The following ANTXR2 variants were observed in gnomAD, a reference collection of about 807,000 sequenced individuals.
ANTXR2 encodes anthrax toxin receptor 2.
ANTXR2 carries 44 observed loss-of-function variants against 73.7 expected under a neutral mutation model. That is an observed-to-expected ratio of 0.60 (90% CI 0.47 to 0.77). The LOEUF (loss-of-function observed/expected upper bound fraction) is 0.77, where lower values mean the gene tolerates loss of function less well. Ranked by LOEUF, ANTXR2 falls within the 30% of genes least tolerant of loss-of-function variation. The pLI, the probability that ANTXR2 is intolerant of heterozygous loss-of-function variation, is 0.00. For synonymous variants in ANTXR2, 217 were observed against 205.9 expected (o/e 1.05, Z -0.46); for missense variants, 604 against 592.5 (o/e 1.02, Z -0.20).
chr4:80,044,301 G>A (rs1292502585), intron 7 of ANTXR2, among the ~76,000 whole-genome samples: 1 of 151,898 alleles, frequency 6.6e-6, no homozygotes, highest in African/African-American at 2.4e-5. Context: ...CTTTGATTGA[G>A]ATCTTGTAAG....
At chr4:79,982,527 C>T (rs1729935627) in intron 14 of ANTXR2, among the ~76,000 whole-genome samples, 1 of 152,086 alleles carries the variant, frequency 6.6e-6, no homozygotes, top group Non-Finnish European at 1.5e-5. Context: ...ACTTTCTTCC[C>T]ACCTTTCCAA....
intron 14 of ANTXR2, among the ~76,000 whole-genome samples, chr4:79,980,198 A>G (rs1365859296): frequency 6.6e-6 from 1 of 152,222 alleles, no homozygotes; most frequent in Admixed American, 6.5e-5. Context: ...AAAGAAATTC[A>G]TTAGTTTTAG....
chr4:79,915,351 G>A (rs1425775732), intron 16 of ANTXR2, among the ~76,000 whole-genome samples: 3 of 152,048 alleles, frequency 2.0e-5, no homozygotes, highest in East Asian at 1.9e-4. Flanking sequence ...ACCAGAGCAA[G>A]TGTCATGTCT....
intron 12 of ANTXR2, among the ~76,000 whole-genome samples, chr4:79,990,386 A>AAAAAAAAG (rs1730408828): frequency 6.7e-6 from 1 of 149,690 alleles, no homozygotes; most frequent in South Asian, 2.1e-4. Flanking sequence ...ACAGTTACAA[A>AAAAAAAAG]AAAAAAAAAA....
chr4:79,986,538 G>T (rs1730169362), intron 12 of ANTXR2, among the ~76,000 whole-genome samples: 1 of 152,084 alleles, frequency 6.6e-6, no homozygotes, highest in South Asian at 2.1e-4. Flanking sequence ...TTGGGACTTG[G>T]ATATGGGTAC....
chr4:80,052,112 TA>T (rs1489088238), intron 7 of ANTXR2, among the ~76,000 whole-genome samples: 1 of 151,670 alleles, frequency 6.6e-6, no homozygotes, highest in African/African-American at 2.4e-5. Context: ...CTGAAAGACT[TA>T]AAATTTTTTA....
chr4:79,956,934 A>T (rs1394570219), intron 16 of ANTXR2, among the ~76,000 whole-genome samples: 1 of 152,122 alleles, frequency 6.6e-6, no homozygotes, highest in African/African-American at 2.4e-5. Flanking sequence ...GTGTTCTAAA[A>T]AACAGAGTGG....
chr4:80,072,557 C>A lies in ANTXR2; in HGVS notation c.4G>T (p.Val2Leu). M[V>L]AERSPARSPG... ...CTGCGGGCCGGGGACCGCTCCGCCACCATCCTGCGGCCGGGGGCCTGAGAC... is the reference window on the plus strand; with the variant it reads ...CTGCGGGCCGGGGACCGCTCCGCCAACATCCTGCGGCCGGGGGCCTGAGAC... The change falls in exon 1 of 17, where the codon GTG becomes TTG. Residue 2 changes from valine to leucine, a missense_variant. Val to Leu is a conservative substitution (Grantham distance 32). Coordinates refer to ENST00000403729, the MANE Select transcript of ANTXR2 (RefSeq NM_058172.6). 6.4e-7 allele frequency: 1 copy of A among 1,555,146 alleles called. No homozygotes were observed. The highest frequency in any genetic ancestry group is 8.7e-7 in the Non-Finnish European group (1 of 1,153,092).
intron 16 of ANTXR2, among the ~76,000 whole-genome samples, chr4:79,913,568 C>A (rs1205327286): frequency 6.6e-6 from 1 of 152,110 alleles, no homozygotes; most frequent in Non-Finnish European, 1.5e-5. Context: ...TACCCAATAT[C>A]TAGGGCATAT....
intron 16 of ANTXR2, among the ~76,000 whole-genome samples, chr4:79,943,670 G>T (rs1276002786): frequency 7.2e-6 from 1 of 138,736 alleles, no homozygotes; most frequent in East Asian, 2.2e-4. Context: ...CACCAGCATG[G>T]CACATGTATA....
chr4:79,917,966 G>A (rs1727421503), intron 16 of ANTXR2, among the ~76,000 whole-genome samples: 1 of 150,420 alleles, frequency 6.6e-6, no homozygotes, highest in South Asian at 2.1e-4. Context: ...AAAAAAGGCA[G>A]GTAACATGCA....
chr4:80,010,991 C>CA (rs1415363385), intron 11 of ANTXR2, among the ~76,000 whole-genome samples: 32 of 151,642 alleles, frequency 2.1e-4, no homozygotes, highest in African/African-American at 7.8e-4. Flanking sequence ...ACTAAAAATA[C>CA]AAAAAATCAG....
At chr4:79,946,174 A>C (rs1167183689) in intron 16 of ANTXR2, among the ~76,000 whole-genome samples, 1 of 152,186 alleles carries the variant, frequency 6.6e-6, no homozygotes, top group Non-Finnish European at 1.5e-5. Context: ...AAGTTTAGAA[A>C]GATTGAAAAT....
intron 12 of ANTXR2, among the ~76,000 whole-genome samples, chr4:79,990,958 C>T (rs924902127): frequency 2.6e-5 from 4 of 151,970 alleles, no homozygotes; most frequent in Non-Finnish European, 5.9e-5. Context: ...TAAAAACCAG[C>T]TCAAAATGAA....
chr4:79,959,028 A>C (rs908006586), intron 16 of ANTXR2, among the ~76,000 whole-genome samples: 1 of 152,124 alleles, frequency 6.6e-6, no homozygotes, highest in Admixed American at 6.6e-5. Flanking sequence ...AATAAAGATC[A>C]AATGTTTTTA....
At chr4:80,039,865 T>C (rs1201894608) in intron 7 of ANTXR2, among the ~76,000 whole-genome samples, 1 of 152,030 alleles carries the variant, frequency 6.6e-6, no homozygotes, top group East Asian at 1.9e-4. Flanking sequence ...GGAATCAACC[T>C]AGGTGCTCCT....
At chr4:80,069,836 T>C (rs959973725) in intron 2 of ANTXR2, among the ~76,000 whole-genome samples, 2 of 152,216 alleles carry the variant, frequency 1.3e-5, no homozygotes, top group African/African-American at 4.8e-5. Flanking sequence ...TTCTACAACA[T>C]TTCCTTTAAA....
At chr4:79,937,998 G>T (rs1394411163) in intron 16 of ANTXR2, among the ~76,000 whole-genome samples, 5 of 97,772 alleles carry the variant, frequency 5.1e-5, no homozygotes, top group African/African-American at 1.6e-4. Context: ...ACTCCCACCC[G>T]AATATTGCGC....
intron 16 of ANTXR2, among the ~76,000 whole-genome samples, chr4:79,947,070 A>T (rs1728541855): frequency 6.6e-6 from 1 of 152,136 alleles, no homozygotes; most frequent in Non-Finnish European, 1.5e-5. Flanking sequence ...GTATTAAATG[A>T]ATCAAAGTCC....
Sources: allele counts gnomAD v4.1 joint callset (sites outside exome capture counted in the v4.1 genomes callset), GRCh38; gene constraint gnomAD v4.1.1; transcripts MANE v1.5; gene names NCBI Gene and HGNC (gene_info 2026-07-23, HGNC 2026-07-21).